KLHL29: variants seen among roughly 807,000 people sequenced by gnomAD.
The protein encoded by KLHL29 is kelch-like protein 29.
KLHL29 carries 21 observed loss-of-function variants against 80.4 expected under a neutral mutation model. The observed-to-expected ratio is 0.26, with a 90% CI of 0.19 to 0.38. The LOEUF (loss-of-function observed/expected upper bound fraction) is 0.38, where lower values mean the gene tolerates loss of function less well. Ranked by LOEUF, KLHL29 falls within the 10% of genes least tolerant of loss-of-function variation. The pLI, the probability that KLHL29 is intolerant of heterozygous loss-of-function variation, is 1.00. For synonymous variants in KLHL29, 511 were observed against 526.8 expected, an observed-to-expected ratio of 0.97 and a Z score of 0.41; for missense variants, 867 against 1,223.9, an observed-to-expected ratio of 0.71 and a Z score of 4.35.
intron 1 of KLHL29, among the ~76,000 whole-genome samples, chr2:23,387,127 C>G (rs1191657677): frequency 6.6e-6 from 1 of 152,210 alleles, no homozygotes; most frequent in Non-Finnish European, 1.5e-5. Context: ...CCGGGCGAAT[C>G]GTGGACGCAG....
intron 3 of KLHL29, among the ~76,000 whole-genome samples, chr2:23,631,835 TG>T (rs1485252303): frequency 1.3e-5 from 2 of 152,154 alleles, no homozygotes; most frequent in Non-Finnish European, 2.9e-5. Context: ...GTCAAGGAGC[TG>T]GTTTCCATGA....
At chr2:23,493,952 T>C (rs1228578341) in intron 2 of KLHL29, among the ~76,000 whole-genome samples, 2 of 152,208 alleles carry the variant, frequency 1.3e-5, no homozygotes, top group Non-Finnish European at 2.9e-5. Flanking sequence ...TTACCTACAC[T>C]GAAAGAGGTT....
intron 3 of KLHL29, among the ~76,000 whole-genome samples, chr2:23,574,322 G>A (rs931013074): frequency 3.3e-5 from 5 of 152,110 alleles, no homozygotes; most frequent in Admixed American, 1.3e-4. Context: ...AGGAGGTGGC[G>A]GTCAGGACCC....
chr2:23,691,157 G>A (rs1470108438), intron 6 of KLHL29: 4 of 158,722 alleles, frequency 2.5e-5, no homozygotes, highest in African/African-American at 9.6e-5. Context: ...AAGAGGTGGG[G>A]TTGGAGCGGG....
intron 8 of KLHL29, among the ~76,000 whole-genome samples, chr2:23,694,664 A>C (rs1671836941): frequency 6.6e-6 from 1 of 152,148 alleles, no homozygotes; most frequent in Admixed American, 6.5e-5. Flanking sequence ...ATCTCGTAAG[A>C]ATAAACCCCA....
chr2:23,508,757 T>C (rs925588888), intron 2 of KLHL29, among the ~76,000 whole-genome samples: 3 of 152,240 alleles, frequency 2.0e-5, no homozygotes, highest in African/African-American at 7.2e-5. Context: ...TCCCACAACC[T>C]GTGGACTCAA....
intron 2 of KLHL29, chr2:23,532,544 A>T (rs1044318733): frequency 2.2e-6 from 1 of 456,658 alleles, no homozygotes; most frequent in Non-Finnish European, 4.4e-6. Flanking sequence ...TCTTGCTCCT[A>T]TGTTAAAATC....
chr2:23,630,445 C>T (rs182052424), intron 3 of KLHL29, among the ~76,000 whole-genome samples: 12 of 152,248 alleles, frequency 7.9e-5, no homozygotes, highest in African/African-American at 2.9e-4. Context: ...ATAGTAGACC[C>T]GGGTTAGAGT....
rs138176237 is a variant in KLHL29 at position 23,401,424 on chromosome 2, C to T, written c.-154+15644C>T. On this transcript the variant is annotated intron_variant, in intron 1 of 13. Coordinates refer to ENST00000486442, the MANE Select transcript of KLHL29 (RefSeq NM_052920.2). ...GGAGAGGTAAGCTTGCAAGGCCCAG[C>T]TTGGACATGCACCTGTGATTTCTAA... Among the ~76,000 whole-genome samples the T allele has an allele frequency of 7.7e-3, 1,175 of 152,338 alleles. 8 individuals carry two copies. Among genetic ancestry groups the T allele is most frequent in the Admixed American group, 0.012 (190 of 15,308 alleles).
At chr2:23,501,322 T>C (rs1221781944) in intron 2 of KLHL29, among the ~76,000 whole-genome samples, 1 of 151,948 alleles carries the variant, frequency 6.6e-6, no homozygotes, top group Non-Finnish European at 1.5e-5. Context: ...ACAAATTGGA[T>C]TGAACCTAAT....
At chr2:23,543,870 G>A (rs1413382010) in intron 2 of KLHL29, among the ~76,000 whole-genome samples, 3 of 152,140 alleles carry the variant, frequency 2.0e-5, no homozygotes, top group East Asian at 1.9e-4. Flanking sequence ...TAGGATGCTT[G>A]GGGCTGGGGG....
Position 23,696,262 on chromosome 2 carries a change from G to A in KLHL29, c.1925-71G>A, listed in dbSNP as rs1172879484. ...GCAGGTGAAGCCTTCCTCTGCCCCT[G>A]GGGCTGGGCCTGCTGACCCCAGGCC... On this transcript the variant is annotated intron_variant, in intron 10 of 13. Transcript: ENST00000486442. The surrounding 1 kb of genome is among the most constrained non-coding windows in gnomAD (Gnocchi z 5.5). 6.6e-7 allele frequency: 1 copy of A among 1,504,530 alleles called. No individual in the cohort carries two copies. The highest frequency in any genetic ancestry group is 2.5e-5 in the East Asian group (1 of 40,618). The allele number at this position is 1,504,530 out of a possible 1,614,324, so 93.2% of individuals were successfully genotyped here. A position where few individuals can be genotyped will look rare whatever the true frequency, so the allele number is the denominator to read the frequency against.
intron 2 of KLHL29, among the ~76,000 whole-genome samples, chr2:23,511,110 T>C (rs1665760123): frequency 6.6e-6 from 1 of 152,166 alleles, no homozygotes; most frequent in Admixed American, 6.5e-5. Context: ...GGTTGCTTCC[T>C]TCTGAGGGCC....
At chr2:23,623,911 T>C (rs1174293374) in intron 3 of KLHL29, among the ~76,000 whole-genome samples, 2 of 151,896 alleles carry the variant, frequency 1.3e-5, no homozygotes, top group African/African-American at 4.8e-5. Context: ...GTTTGGAGGG[T>C]CCCCCATTTC....
chr2:23,436,967 C>A (rs931234463), intron 1 of KLHL29, among the ~76,000 whole-genome samples: 1 of 152,136 alleles, frequency 6.6e-6, no homozygotes, highest in Non-Finnish European at 1.5e-5. Flanking sequence ...GTAATGAAAC[C>A]GAAAACACAA....
intron 3 of KLHL29, among the ~76,000 whole-genome samples, chr2:23,637,902 A>G (rs1669659980): frequency 6.6e-6 from 1 of 152,016 alleles, no homozygotes. Flanking sequence ...CCTGGCAGGC[A>G]TCCGTATCCA....
At chr2:23,621,854 A>G (rs1490460765) in intron 3 of KLHL29, among the ~76,000 whole-genome samples, 3 of 152,160 alleles carry the variant, frequency 2.0e-5, no homozygotes, top group Admixed American at 6.5e-5. Context: ...GCAGCTCACC[A>G]TATCCAGGCG....
intron 1 of KLHL29, among the ~76,000 whole-genome samples, chr2:23,393,244 C>T (rs540231218): frequency 1.3e-5 from 2 of 152,282 alleles, no homozygotes; most frequent in South Asian, 4.1e-4. Flanking sequence ...CTTTTCACTC[C>T]GTGGCTGTGT....
intron 3 of KLHL29, among the ~76,000 whole-genome samples, chr2:23,606,461 T>A (rs1668731176): frequency 6.6e-6 from 1 of 152,158 alleles, no homozygotes; most frequent in Non-Finnish European, 1.5e-5. Flanking sequence ...AGCCAAGGGA[T>A]CTAAGGCACG....
Sources: allele counts gnomAD v4.1 joint callset (sites outside exome capture counted in the v4.1 genomes callset), GRCh38; gene constraint gnomAD v4.1.1; non-coding constraint Gnocchi (gnomAD v3.1); transcripts MANE v1.5; gene names NCBI Gene and HGNC (gene_info 2026-07-23, HGNC 2026-07-21).